ASTN2: variants seen among roughly 807,000 people sequenced by gnomAD.
ASTN2 encodes astrotactin-2.
In ASTN2, 54 loss-of-function variants were observed where a neutral mutation model predicts 139.8. The ratio of observed to expected loss-of-function variants is 0.39; its 90% confidence interval spans 0.31 to 0.48. The LOEUF (loss-of-function observed/expected upper bound fraction) is 0.48. ASTN2 is among the 20% of genes least tolerant of loss of function. The probability of loss-of-function intolerance (pLI) is 0.95; values close to 1 mark genes in which losing one functional copy is unlikely to be tolerated. For missense variants in ASTN2, 1,565 were observed against 1,725.1 expected (o/e 0.91, Z 1.64); for synonymous variants, 756 against 719.5 (o/e 1.05, Z -0.81).
intron 1 of ASTN2, among the ~76,000 whole-genome samples, chr9:117,383,482 A>T (rs1830321349): frequency 1.3e-5 from 2 of 152,130 alleles, no homozygotes. Flanking sequence ...ATTTCATTGC[A>T]TGCAAATTCA....
intron 10 of ASTN2, among the ~76,000 whole-genome samples, chr9:116,937,095 T>C (rs1222219314): frequency 6.6e-6 from 1 of 152,218 alleles, no homozygotes; most frequent in African/African-American, 2.4e-5. Context: ...GACAACAACC[T>C]TGATTTCCCC....
intron 16 of ASTN2, among the ~76,000 whole-genome samples, chr9:116,724,178 T>C (rs1175209435): frequency 6.6e-6 from 1 of 152,240 alleles, no homozygotes; most frequent in Non-Finnish European, 1.5e-5. Flanking sequence ...AAACATAACC[T>C]AATAGTATTA....
intron 16 of ASTN2, chr9:116,701,265 ATAGG>A (rs1564220646): frequency 6.0e-6 from 1 of 167,086 alleles, no homozygotes; most frequent in Non-Finnish European, 1.5e-5. Context: ...CTGCCAAAGG[ATAGG>A]TAAAGAGGTC....
chr9:117,327,733 C>T (rs906998728), intron 1 of ASTN2, among the ~76,000 whole-genome samples: 3 of 152,124 alleles, frequency 2.0e-5, no homozygotes, highest in Non-Finnish European at 4.4e-5. Flanking sequence ...CTCCCTTATC[C>T]TCCCTCCTTC....
chr9:116,632,673 C>T (rs1464506877), intron 17 of ASTN2, among the ~76,000 whole-genome samples: 1 of 152,106 alleles, frequency 6.6e-6, no homozygotes, highest in Admixed American at 6.6e-5. Flanking sequence ...ACATGGGTTC[C>T]CCCAGCCTAT....
At chr9:116,982,830 G>T (rs527943217) in intron 7 of ASTN2, among the ~76,000 whole-genome samples, 1 of 152,346 alleles carries the variant, frequency 6.6e-6, no homozygotes, top group Non-Finnish European at 1.5e-5. Context: ...CCCCGAAGCT[G>T]TTCCTGTGTT....
Position 117,141,401 on chromosome 9 carries a change from TGGGCG to T in ASTN2, c.1088_1092del (p.Thr363AsnfsTer44). 2.9e-6 allele frequency: 4 copies of T among 1,367,574 alleles called. No homozygotes were observed. Among genetic ancestry groups the T allele is most frequent in the Non-Finnish European group, 3.9e-6 (4 of 1,021,838 alleles). The allele number at this position is 1,367,574 out of a possible 1,614,324, so 84.7% of individuals were successfully genotyped here. ...GGTGGTTGCAGCTGACCGATCTCGA[TGGGCG>T]TGTTAGCGCGGAAACTCTCCTTGAA... On this transcript the variant is annotated frameshift_variant, in exon 4 of 23. Coordinates refer to ENST00000313400, the MANE Select transcript of ASTN2 (RefSeq NM_001365068.1). LOFTEE classifies it high-confidence loss of function.
intron 1 of ASTN2, among the ~76,000 whole-genome samples, chr9:117,316,313 T>G (rs1828142918): frequency 6.6e-6 from 1 of 152,146 alleles, no homozygotes; most frequent in African/African-American, 2.4e-5. Flanking sequence ...TGAGGATAAT[T>G]AAATCTCACT....
intron 7 of ASTN2, among the ~76,000 whole-genome samples, chr9:116,989,020 T>C (rs1484577836): frequency 6.6e-6 from 1 of 152,134 alleles, no homozygotes; most frequent in East Asian, 1.9e-4. Flanking sequence ...AATAATTCAA[T>C]TCCCCACCTG....
At chr9:116,790,475 C>G (rs559011474) in intron 13 of ASTN2, among the ~76,000 whole-genome samples, 1 of 152,164 alleles carries the variant, frequency 6.6e-6, no homozygotes, top group East Asian at 1.9e-4. Flanking sequence ...CCCACCTTGA[C>G]TTTCACGTCT....
At chr9:117,168,430 G>A (rs1189913749) in intron 3 of ASTN2, among the ~76,000 whole-genome samples, 2 of 152,092 alleles carry the variant, frequency 1.3e-5, no homozygotes, top group African/African-American at 4.8e-5. Context: ...ATTTGGAGGT[G>A]AGGGTTCTGT....
Position 117,282,955 on chromosome 9 carries a change from G to A in ASTN2, c.630+8371C>T, listed in dbSNP as rs561495663. Among the ~76,000 whole-genome samples the A allele has an allele frequency of 3.3e-5, 5 of 150,722 alleles. No individual in the cohort carries two copies. The East Asian group carries it at 9.7e-4, about 29-fold the overall frequency. On this transcript the variant is annotated intron_variant, in intron 2 of 22. Transcript: ENST00000313400. ...AGGTCTCAGGTGTTTTCAGCTCCAA[G>A]ATCCCACTATATTTCATACTTCTAC...
At chr9:117,342,697 A>G (rs1165774796) in intron 1 of ASTN2, among the ~76,000 whole-genome samples, 1 of 152,186 alleles carries the variant, frequency 6.6e-6, no homozygotes, top group Non-Finnish European at 1.5e-5. Context: ...ACCATTTTCA[A>G]ACTGTGTTTT....
chr9:116,493,903 C>T (rs987944150), intron 19 of ASTN2, among the ~76,000 whole-genome samples: 2 of 152,104 alleles, frequency 1.3e-5, no homozygotes, highest in African/African-American at 4.8e-5. Context: ...ATTTAGGAGT[C>T]GTCACTCTGG....
At chr9:117,326,092 T>C (rs1055104424) in intron 1 of ASTN2, among the ~76,000 whole-genome samples, 3 of 152,110 alleles carry the variant, frequency 2.0e-5, no homozygotes, top group Non-Finnish European at 4.4e-5. Flanking sequence ...GCAGCTCTTC[T>C]AATTTTTCAA....
chr9:117,153,920 A>G (rs1386827057), intron 3 of ASTN2, among the ~76,000 whole-genome samples: 1 of 152,102 alleles, frequency 6.6e-6, no homozygotes, highest in African/African-American at 2.4e-5. Context: ...GTATAAAAAT[A>G]TGCATTGTGA....
At chr9:116,798,830 G>T (rs1830766928) in intron 13 of ASTN2, among the ~76,000 whole-genome samples, 1 of 152,172 alleles carries the variant, frequency 6.6e-6, no homozygotes, top group Non-Finnish European at 1.5e-5. Flanking sequence ...CAGGGCCCCT[G>T]CCATTCAGGG....
At chr9:116,658,123 A>G (rs1251069402) in intron 16 of ASTN2, among the ~76,000 whole-genome samples, 1 of 151,984 alleles carries the variant, frequency 6.6e-6, no homozygotes, top group African/African-American at 2.4e-5. Flanking sequence ...TTGTTTTTGC[A>G]AAGAACTATT....
chr9:116,424,543 C>G lies in ASTN2; in HGVS notation c.*1308G>C, dbSNP rs373996149. 1.3e-5 allele frequency among the ~76,000 whole-genome samples: 2 copies of G among 151,644 alleles called. No individual in the cohort carries two copies. Among genetic ancestry groups the G allele is most frequent in the African/African-American group, 2.4e-5 (1 of 41,276 alleles). ...AGTCCTTGAAAGAGGTGTACTGTCT[C>G]TTGTCTCTGGGCTTTTGTTCATATC... On this transcript the variant is annotated 3_prime_UTR_variant, in exon 23 of 23. Coordinates refer to ENST00000313400, the MANE Select transcript of ASTN2 (RefSeq NM_001365068.1).
Sources: allele counts gnomAD v4.1 joint callset (sites outside exome capture counted in the v4.1 genomes callset), GRCh38; gene constraint gnomAD v4.1.1; transcripts MANE v1.5; gene names NCBI Gene and HGNC (gene_info 2026-07-23, HGNC 2026-07-21).